PTPRN2: variants seen among roughly 807,000 people sequenced by gnomAD.
PTPRN2 encodes protein tyrosine phosphatase receptor type N2.
PTPRN2 carries 74 observed loss-of-function variants against 118.8 expected under a neutral mutation model. The ratio of observed to expected loss-of-function variants is 0.62; its 90% CI spans 0.52 to 0.76. PTPRN2 has a LOEUF of 0.76. Among genes scored for constraint, PTPRN2 ranks in the 30% least tolerant of loss-of-function variants. The pLI, the probability that PTPRN2 is intolerant of heterozygous loss-of-function variation, is 0.00. For synonymous variants in PTPRN2, 641 were observed against 608.0 expected (o/e 1.05, Z -0.80); for missense variants, 1,481 against 1,394.4 (o/e 1.06, Z -0.99).
chr7:158,580,949 G>T (rs1828596021), intron 1 of PTPRN2, among the ~76,000 whole-genome samples: 1 of 152,110 alleles, frequency 6.6e-6, no homozygotes, highest in Admixed American at 6.5e-5. Flanking sequence ...ATTTGAATCT[G>T]ACACCCAAAA....
chr7:157,871,897 C>A (rs1472987118), intron 12 of PTPRN2, among the ~76,000 whole-genome samples: 1 of 151,762 alleles, frequency 6.6e-6, no homozygotes, highest in African/African-American at 2.4e-5. Flanking sequence ...CACCTCCCCA[C>A]ACACAAATAC....
intron 3 of PTPRN2, among the ~76,000 whole-genome samples, chr7:158,267,528 C>G (rs747278293): frequency 6.6e-6 from 1 of 152,168 alleles, no homozygotes; most frequent in African/African-American, 2.4e-5. Flanking sequence ...GGGCTCCACA[C>G]CCCACCTTCC....
intron 11 of PTPRN2, among the ~76,000 whole-genome samples, chr7:157,998,682 G>A (rs906244173): frequency 2.0e-5 from 3 of 152,104 alleles, no homozygotes; most frequent in African/African-American, 7.2e-5. Flanking sequence ...AATTAGCTGG[G>A]TGTGTTGGCA....
intron 5 of PTPRN2, among the ~76,000 whole-genome samples, chr7:158,182,751 G>A (rs1824820381): frequency 6.6e-6 from 1 of 152,212 alleles, no homozygotes; most frequent in Non-Finnish European, 1.5e-5. Context: ...CTCATGAGGA[G>A]AATGTATATT....
chr7:157,752,486 G>C (rs778536854), intron 12 of PTPRN2, among the ~76,000 whole-genome samples: 1 of 152,320 alleles, frequency 6.6e-6, no homozygotes, highest in African/African-American at 2.4e-5. Context: ...CGACTGGTGC[G>C]CGGTGTGGCT....
intron 2 of PTPRN2, among the ~76,000 whole-genome samples, chr7:158,354,532 A>C (rs1442222552): frequency 6.6e-6 from 1 of 152,244 alleles, no homozygotes; most frequent in Non-Finnish European, 1.5e-5. Flanking sequence ...GAAGTCTTGA[A>C]ACAAAAATAC....
At chr7:157,805,571 G>A (rs561529251) in intron 12 of PTPRN2, among the ~76,000 whole-genome samples, 10 of 152,272 alleles carry the variant, frequency 6.6e-5, no homozygotes, top group Admixed American at 1.3e-4. Context: ...GTAAACTCCC[G>A]GTTGTTTAAA....
intron 13 of PTPRN2, among the ~76,000 whole-genome samples, chr7:157,668,635 G>C (rs935784892): frequency 6.6e-6 from 1 of 152,220 alleles, no homozygotes; most frequent in African/African-American, 2.4e-5. Context: ...GTTTGGGGAG[G>C]GCCCTGGCCT....
intron 2 of PTPRN2, among the ~76,000 whole-genome samples, chr7:158,355,735 G>A (rs1249573640): frequency 6.6e-6 from 1 of 152,226 alleles, no homozygotes; most frequent in Non-Finnish European, 1.5e-5. Context: ...ATGGCAACAG[G>A]GAGAATCTGC....
At chr7:158,059,693 C>T (rs1286918252) in intron 11 of PTPRN2, among the ~76,000 whole-genome samples, 3 of 89,546 alleles carry the variant, frequency 3.4e-5, no homozygotes, top group African/African-American at 9.3e-5. Context: ...CACACGGTGA[C>T]GCATCACTGC....
intron 3 of PTPRN2, among the ~76,000 whole-genome samples, chr7:158,293,531 G>C (rs1161438924): frequency 1.3e-5 from 2 of 151,680 alleles, no homozygotes; most frequent in African/African-American, 2.4e-5. Context: ...AGCTGAGATC[G>C]CACCACTGTT....
intron 12 of PTPRN2, among the ~76,000 whole-genome samples, chr7:157,873,388 C>T (rs950892686): frequency 1.3e-5 from 2 of 152,246 alleles, no homozygotes; most frequent in African/African-American, 2.4e-5. Context: ...CGGAGGGCCG[C>T]GCCCCGAGGC....
rs530370859 is a variant in PTPRN2 at position 158,391,203 on chromosome 7, C to T, written c.164-74271G>A. Among the ~76,000 whole-genome samples, 6 of 152,330 alleles carry T rather than the reference C, an allele frequency of 3.9e-5. No homozygotes were observed. In the South Asian group the frequency reaches 6.2e-4, roughly 16 times the overall value. ...CCCTTAAAGATAAAAAGAACCTGCA[C>T]GAGAGACATTGACTTCCATTCCCTG... On this transcript the variant is annotated intron_variant, in intron 2 of 22. Transcript: ENST00000389418.
rs1255556163 is a variant in PTPRN2, at chr7:158,529,847, G to A, written c.113-40062C>T. Among the ~76,000 whole-genome samples the A allele has an allele frequency of 6.6e-6, 1 of 152,010 alleles. No individual in the cohort carries two copies. The highest frequency in any genetic ancestry group is 1.5e-5 in the Non-Finnish European group (1 of 67,996). ...ACACATGGACAAACACCACACACAC[G>A]TGTACATCACACATGCCACACACCA... On this transcript the variant is annotated intron_variant, in intron 1 of 22. Transcript: ENST00000389418. The surrounding 1 kb of genome is among the most constrained non-coding windows in gnomAD (Gnocchi z 4.7).
At chr7:158,468,891 G>T (rs1419270953) in intron 2 of PTPRN2, among the ~76,000 whole-genome samples, 2 of 147,930 alleles carry the variant, frequency 1.4e-5, no homozygotes, top group African/African-American at 5.0e-5. Flanking sequence ...ACACACTCCT[G>T]GTCAATCAAC....
At chr7:158,339,064 T>A (rs545777944) in intron 2 of PTPRN2, among the ~76,000 whole-genome samples, 7 of 3,042 alleles carry the variant, frequency 2.3e-3, no homozygotes, top group Admixed American at 4.1e-3. Context: ...ATAAGAGCTG[T>A]CGCCCGCAGA....
At chr7:157,789,812 G>A (rs969109054) in intron 12 of PTPRN2, among the ~76,000 whole-genome samples, 6 of 149,332 alleles carry the variant, frequency 4.0e-5, no homozygotes, top group Non-Finnish European at 8.9e-5. Context: ...TGTGATGTGT[G>A]TAGTATGTGG....
chr7:158,292,419 G>T (rs923255463), intron 3 of PTPRN2, among the ~76,000 whole-genome samples: 1 of 152,142 alleles, frequency 6.6e-6, no homozygotes, highest in African/African-American at 2.4e-5. Flanking sequence ...AAATTAAAAG[G>T]TAAAAACTGT....
At chr7:157,901,638 A>G (rs1797446677) in intron 11 of PTPRN2, among the ~76,000 whole-genome samples, 1 of 152,276 alleles carries the variant, frequency 6.6e-6, no homozygotes, top group Admixed American at 6.5e-5. Context: ...AAGTAAAATT[A>G]GTTCTACTGA....
Sources: allele counts gnomAD v4.1 joint callset (sites outside exome capture counted in the v4.1 genomes callset), GRCh38; gene constraint gnomAD v4.1.1; non-coding constraint Gnocchi (gnomAD v3.1); transcripts MANE v1.5; gene names NCBI Gene and HGNC (gene_info 2026-07-23, HGNC 2026-07-21).